SNX7: variants seen among roughly 807,000 people sequenced by gnomAD.
The protein encoded by SNX7 is sorting nexin-7.
In SNX7, 35 loss-of-function variants were observed where a neutral mutation model predicts 48.4. The observed-to-expected ratio is 0.72, with a 90% confidence interval of 0.55 to 0.96. SNX7 has a LOEUF of 0.96. Among genes scored for constraint, SNX7 ranks in the 40% least tolerant of loss-of-function variants. SNX7 has a pLI of 0.00. For synonymous variants in SNX7, 190 were observed against 190.2 expected (o/e 1.00, Z 0.01); for missense variants, 553 against 548.9 (o/e 1.01, Z -0.07).
intron 6 of SNX7, among the ~76,000 whole-genome samples, chr1:98,700,670 A>G (rs1172056167): frequency 2.0e-5 from 3 of 151,948 alleles, no homozygotes; most frequent in Non-Finnish European, 4.4e-5. Context: ...TCTTTCTTCC[A>G]AAGTGCTGAG....
rs1651599560 is a variant in SNX7, at chr1:98,698,824, C to T, written c.957C>T (p.Ala319=). 2 of 1,613,736 alleles carry T rather than the reference C, an allele frequency of 1.2e-6. No homozygotes were observed. Among genetic ancestry groups the T allele is most frequent in the Non-Finnish European group, 1.7e-6 (2 of 1,179,806 alleles). Residue 319 remains alanine (A), a synonymous_variant, in exon 6 of 9, where the codon GCC becomes GCT. Coordinates refer to ENST00000306121, the MANE Select transcript of SNX7 (RefSeq NM_015976.5). ...VASCIDRCCK[A]TEKRMSGLSE... ...GCTGCATTGACAGATGCTGTAAGGC[C>T]ACTGAAAAGCGGATGTCTGGACTCT...
intron 4 of SNX7, among the ~76,000 whole-genome samples, chr1:98,691,937 A>ACTCTCTCT (rs59743636): frequency 0.02 from 2,604 of 131,146 alleles, 54 homozygotes; most frequent in South Asian, 0.039. Context: ...ACACACACAC[A>ACTCTCTCT]CTCTCTCTCT....
At chr1:98,677,864 C>T (rs774434132) in intron 1 of SNX7, among the ~76,000 whole-genome samples, 5 of 130,114 alleles carry the variant, frequency 3.8e-5, no homozygotes, top group Non-Finnish European at 6.4e-5. Context: ...GGTGACAGAG[C>T]GAGACGCTGT....
chr1:98,666,405 C>T (rs540531717), intron 1 of SNX7, among the ~76,000 whole-genome samples: 3 of 152,268 alleles, frequency 2.0e-5, no homozygotes, highest in Non-Finnish European at 2.9e-5. Flanking sequence ...TAGCTACTGC[C>T]GGAAACGTGC....
chr1:98,715,606 A>G (rs2100997679), intron 7 of SNX7, among the ~76,000 whole-genome samples: 1 of 152,292 alleles, frequency 6.6e-6, no homozygotes, highest in African/African-American at 2.4e-5. Context: ...ACTTGTTTTG[A>G]TGCACGAGTT....
intron 7 of SNX7, among the ~76,000 whole-genome samples, chr1:98,706,107 CT>C (rs1477635573): frequency 1.3e-5 from 2 of 152,086 alleles, no homozygotes; most frequent in African/African-American, 2.4e-5. Context: ...AGTTAATTGA[CT>C]ATTTACCATA....
chr1:98,756,779 A>G (rs1654880125), intron 8 of SNX7, among the ~76,000 whole-genome samples: 1 of 151,990 alleles, frequency 6.6e-6, no homozygotes, highest in Admixed American at 6.6e-5. Context: ...CAGCCAGGTA[A>G]TGTCTCCCTT....
intron 8 of SNX7, among the ~76,000 whole-genome samples, chr1:98,757,775 C>T (rs1654925605): frequency 6.6e-6 from 1 of 152,026 alleles, no homozygotes; most frequent in African/African-American, 2.4e-5. Flanking sequence ...AGAGCCTTTC[C>T]AGTCCCTGTT....
chr1:98,661,372 C>T (rs1383926094), upstream of SNX7, among the ~76,000 whole-genome samples: 1 of 151,912 alleles, frequency 6.6e-6, no homozygotes, highest in African/African-American at 2.4e-5. Flanking sequence ...CGCTTCGTGG[C>T]TTCTTCCCAG....
At chr1:98,751,105 C>T (rs1654557369) in intron 8 of SNX7, among the ~76,000 whole-genome samples, 1 of 152,026 alleles carries the variant, frequency 6.6e-6, no homozygotes, top group African/African-American at 2.4e-5. Flanking sequence ...CACTGTAGGA[C>T]AGAACATCTT....
intron 7 of SNX7, among the ~76,000 whole-genome samples, chr1:98,737,593 A>G (rs939257722): frequency 6.6e-6 from 1 of 152,374 alleles, no homozygotes; most frequent in South Asian, 2.1e-4. Context: ...TCAATGGATT[A>G]CATGCTCAAA....
At chr1:98,730,644 C>G (rs1653462232) in intron 7 of SNX7, among the ~76,000 whole-genome samples, 1 of 151,832 alleles carries the variant, frequency 6.6e-6, no homozygotes, top group South Asian at 2.1e-4. Context: ...GAATGAATTC[C>G]CGTTCACAGT....
At chr1:98,741,268 T>A in intron 8 of SNX7, among the ~76,000 whole-genome samples, 1 of 152,266 alleles carries the variant, frequency 6.6e-6, no homozygotes, top group East Asian at 1.9e-4. Context: ...ACAGATTGTT[T>A]AGAAATTAAA....
chr1:98,663,271 T>G (rs1267530409), intron 1 of SNX7, among the ~76,000 whole-genome samples: 18 of 60,670 alleles, frequency 3.0e-4, no homozygotes, highest in Non-Finnish European at 5.3e-4. Flanking sequence ...TTTTTTTTTT[T>G]TTTTTTTTTT....
At chr1:98,717,842 T>C (rs1652670285) in intron 7 of SNX7, among the ~76,000 whole-genome samples, 1 of 152,042 alleles carries the variant, frequency 6.6e-6, no homozygotes, top group Non-Finnish European at 1.5e-5. Context: ...ATTACAAAGA[T>C]AGTGTCCTTC....
At chr1:98,702,195 A>G (rs558398305) in intron 7 of SNX7, among the ~76,000 whole-genome samples, 6 of 152,288 alleles carry the variant, frequency 3.9e-5, no homozygotes, top group South Asian at 4.1e-4. Context: ...ATGAAAGGCA[A>G]TGCTAGCATT....
intron 1 of SNX7, among the ~76,000 whole-genome samples, chr1:98,665,228 G>A (rs1217909706): frequency 6.6e-6 from 1 of 152,084 alleles, no homozygotes; most frequent in African/African-American, 2.4e-5. Context: ...GATAATCAGG[G>A]AACTTACAGG....
chr1:98,667,495 G>T (rs565823059), intron 1 of SNX7, among the ~76,000 whole-genome samples: 1 of 151,786 alleles, frequency 6.6e-6, no homozygotes, highest in Non-Finnish European at 1.5e-5. Flanking sequence ...TCCTACCTCA[G>T]CCTCCCCAGT....
At chr1:98,695,037 C>T (rs980481033) in intron 4 of SNX7, among the ~76,000 whole-genome samples, 2 of 152,048 alleles carry the variant, frequency 1.3e-5, no homozygotes, top group Admixed American at 1.3e-4. Flanking sequence ...AGTATAGTGC[C>T]CAGAATGTAT....
Sources: gnomAD v4.1 joint callset for allele counts (sites outside exome capture counted in the v4.1 genomes callset) on GRCh38, gnomAD v4.1.1 for gene constraint, MANE v1.5 for transcripts, NCBI Gene and HGNC (gene_info 2026-07-23, HGNC 2026-07-21) for gene names.